The following CLSTN2 variants were observed in gnomAD, a reference collection of about 807,000 sequenced individuals.
The protein encoded by CLSTN2 is calsyntenin 2.
CLSTN2 carries 48 observed loss-of-function variants against 101.2 expected under a neutral mutation model. That is an observed-to-expected ratio of 0.47 (90% CI 0.38 to 0.60). The LOEUF is 0.60. Ranked by LOEUF, CLSTN2 falls within the 20% of genes least tolerant of loss-of-function variation. The probability of loss-of-function intolerance (pLI) is 0.00; values close to 1 mark genes in which losing one functional copy is unlikely to be tolerated. For synonymous variants in CLSTN2, 481 were observed against 463.6 expected (o/e 1.04, Z -0.48); for missense variants, 1,160 against 1,238.2 (o/e 0.94, Z 0.95).
intron 1 of CLSTN2, among the ~76,000 whole-genome samples, chr3:140,069,466 C>T (rs1199339759): frequency 2.0e-5 from 3 of 152,200 alleles, no homozygotes; most frequent in Non-Finnish European, 2.9e-5. Context: ...TTTCCATGGG[C>T]TTCATGGGCA....
At chr3:140,534,006 C>T (rs1433991666) in intron 9 of CLSTN2, among the ~76,000 whole-genome samples, 2 of 152,130 alleles carry the variant, frequency 1.3e-5, no homozygotes, top group African/African-American at 4.8e-5. Flanking sequence ...TTCAGTAGAG[C>T]TTGGCAATGA....
chr3:140,135,107 C>T (rs868633018), intron 1 of CLSTN2, among the ~76,000 whole-genome samples: 211 of 52,260 alleles, frequency 4.0e-3, no homozygotes, highest in African/African-American at 0.019. Context: ...CACACACACA[C>T]ACACACACAC....
At position 140,159,942 on chromosome 3, in the gene CLSTN2, G is replaced by A. The variant is rs145959290; in HGVS notation, c.110-16009G>A. 7.9e-4 allele frequency among the ~76,000 whole-genome samples: 120 copies of A among 152,202 alleles called. No homozygotes were observed. In the East Asian group the frequency reaches 0.019, roughly 24 times the overall value. On this transcript the variant is annotated intron_variant, in intron 1 of 16. Transcript: ENST00000458420. ...AATGAAATACTGTATGATCTCACAAGTGGGAGCTAAACATTGGGTACTCAT... is the reference window on the plus strand; with the variant it reads ...AATGAAATACTGTATGATCTCACAAATGGGAGCTAAACATTGGGTACTCAT...
intron 2 of CLSTN2, among the ~76,000 whole-genome samples, chr3:140,396,408 G>C (rs1407163063): frequency 6.6e-6 from 1 of 152,128 alleles, no homozygotes; most frequent in Non-Finnish European, 1.5e-5. Flanking sequence ...AGCCTTTTCA[G>C]TTCTTAAACA....
At chr3:140,318,215 C>T (rs901829957) in intron 2 of CLSTN2, among the ~76,000 whole-genome samples, 27 of 152,086 alleles carry the variant, frequency 1.8e-4, no homozygotes, top group African/African-American at 6.5e-4. Flanking sequence ...AGCTAAGGTG[C>T]ATTGGGCAAA....
chr3:140,471,493 G>T (rs1933847693), intron 8 of CLSTN2, among the ~76,000 whole-genome samples: 1 of 152,162 alleles, frequency 6.6e-6, no homozygotes. Context: ...GCAAATGTCG[G>T]ATTCATTCAG....
intron 8 of CLSTN2, among the ~76,000 whole-genome samples, chr3:140,469,092 C>T (rs1209442064): frequency 1.3e-5 from 2 of 152,176 alleles, no homozygotes; most frequent in East Asian, 1.9e-4. Flanking sequence ...GTGTTTTCTT[C>T]TTATGAGGAA....
chr3:140,450,598 C>T (rs1488501644), intron 6 of CLSTN2, among the ~76,000 whole-genome samples: 2 of 152,170 alleles, frequency 1.3e-5, no homozygotes, highest in Non-Finnish European at 2.9e-5. Context: ...GTAACTGCAT[C>T]TCCTCCAAAA....
At chr3:140,269,221 T>C (rs367867832) in intron 2 of CLSTN2, among the ~76,000 whole-genome samples, 1 of 152,332 alleles carries the variant, frequency 6.6e-6, no homozygotes, top group Admixed American at 6.5e-5. Flanking sequence ...GGTACCTTGC[T>C]CAGTTTCTTG....
intron 1 of CLSTN2, among the ~76,000 whole-genome samples, chr3:140,069,606 G>T (rs1230276652): frequency 6.6e-6 from 1 of 152,198 alleles, no homozygotes; most frequent in African/African-American, 2.4e-5. Context: ...AATCCCTATA[G>T]CCATGCTTGG....
chr3:140,252,402 C>T (rs573472948), intron 2 of CLSTN2, among the ~76,000 whole-genome samples: 2 of 152,262 alleles, frequency 1.3e-5, no homozygotes, highest in Non-Finnish European at 2.9e-5. Context: ...GCAGCATGGG[C>T]CTTATCCAGT....
At chr3:140,381,459 A>G (rs1004650005) in intron 2 of CLSTN2, among the ~76,000 whole-genome samples, 1 of 152,194 alleles carries the variant, frequency 6.6e-6, no homozygotes, top group Admixed American at 6.5e-5. Flanking sequence ...AGTGTCTTTG[A>G]ACCTCAGCCA....
At chr3:140,097,951 G>T (rs1386283472) in intron 1 of CLSTN2, among the ~76,000 whole-genome samples, 1 of 152,058 alleles carries the variant, frequency 6.6e-6, no homozygotes, top group African/African-American at 2.4e-5. Flanking sequence ...TCGTCCCAGA[G>T]AAATGAATTT....
intron 8 of CLSTN2, among the ~76,000 whole-genome samples, chr3:140,518,640 G>A (rs1190606962): frequency 6.6e-6 from 1 of 152,124 alleles, no homozygotes; most frequent in African/African-American, 2.4e-5. Flanking sequence ...TTACACTTTG[G>A]GAAATCACAG....
intron 1 of CLSTN2, among the ~76,000 whole-genome samples, chr3:140,070,508 A>G (rs1486673207): frequency 2.6e-5 from 4 of 152,272 alleles, no homozygotes; most frequent in Non-Finnish European, 5.9e-5. Context: ...AAGCTTAACA[A>G]GAAATGTTCA....
At chr3:140,365,858 T>G (rs997306943) in intron 2 of CLSTN2, among the ~76,000 whole-genome samples, 1 of 152,162 alleles carries the variant, frequency 6.6e-6, no homozygotes, top group Non-Finnish European at 1.5e-5. Flanking sequence ...GGGAAACATC[T>G]AGAGAGAAAT....
chr3:140,087,755 G>A (rs1223971956), intron 1 of CLSTN2, among the ~76,000 whole-genome samples: 2 of 152,172 alleles, frequency 1.3e-5, no homozygotes, highest in African/African-American at 2.4e-5. Context: ...ACCTGAGAGA[G>A]GAGAGTAATA....
intron 1 of CLSTN2, among the ~76,000 whole-genome samples, chr3:140,121,083 G>A (rs1028744328): frequency 6.6e-6 from 1 of 152,140 alleles, no homozygotes; most frequent in South Asian, 2.1e-4. Context: ...TGTGGACAGG[G>A]GTGAGGGAAA....
At chr3:140,308,557 G>C (rs983029936) in intron 2 of CLSTN2, among the ~76,000 whole-genome samples, 2 of 152,222 alleles carry the variant, frequency 1.3e-5, no homozygotes, top group Admixed American at 1.3e-4. Context: ...ACATTTTGAA[G>C]TGACTGACTG....
Sources: allele counts gnomAD v4.1 joint callset (sites outside exome capture counted in the v4.1 genomes callset), GRCh38; gene constraint gnomAD v4.1.1; transcripts MANE v1.5; gene names NCBI Gene and HGNC (gene_info 2026-07-23, HGNC 2026-07-21).